QRFPR: variants seen among roughly 807,000 people sequenced by gnomAD.
QRFPR encodes the protein pyroglutamylated RF-amide peptide receptor.
A neutral mutation model predicts 31.3 loss-of-function variants in QRFPR; 37 were observed. The ratio of observed to expected loss-of-function variants is 1.18; its 90% confidence interval spans 0.91 to 1.56. The LOEUF is 1.56. Among genes scored for constraint, QRFPR ranks in the 40% most tolerant of loss-of-function variants. The pLI is 0.00. For synonymous variants in QRFPR, 197 were observed against 192.0 expected (o/e 1.03, Z -0.22); for missense variants, 542 against 532.5 (o/e 1.02, Z -0.18).
chr4:121,378,607 T>G lies in QRFPR; in HGVS notation c.340+1701A>C, dbSNP rs771018276. ...TTTTTGTTGTTGTTTGTATTTTTAG[T>G]AGAGACGGGGTTTCACCGTGTTAGC... On this transcript the variant is annotated intron_variant, in intron 1 of 5. Transcript: ENST00000394427. Among the ~76,000 whole-genome samples the G allele has an allele frequency of 2.0e-5, 3 of 152,110 alleles. No homozygotes were observed. In the South Asian group the frequency reaches 6.2e-4, roughly 32 times the overall value.
At chr4:121,379,642 G>T (rs1248312796) in intron 1 of QRFPR, among the ~76,000 whole-genome samples, 4 of 152,172 alleles carry the variant, frequency 2.6e-5, no homozygotes, top group Admixed American at 2.6e-4. Context: ...TATACGGAAG[G>T]AGGAGAATGT....
Position 121,332,954 on chromosome 4 carries a change from G to A in QRFPR, c.664C>T (p.Leu222Phe). 1 of 1,614,000 alleles carries A rather than the reference G, an allele frequency of 6.2e-7. No homozygotes were observed. Among genetic ancestry groups the A allele is most frequent in the Admixed American group, 1.7e-5 (1 of 60,020 alleles). The change falls in exon 4 of 6, where the codon CTC (leucine) becomes TTC (phenylalanine). Residue 222 changes from leucine to phenylalanine, a missense_variant. Transcript: ENST00000394427. ...ATCACCATAAGAGGCAGGAGGAAGA[G>A]GATGACAAGGATGAAGGTGGTGTAG... ...KIYTTFILVI[L>F]FLLPLMVMLI...
At chr4:121,344,498 G>A (rs1725607446) in intron 1 of QRFPR, among the ~76,000 whole-genome samples, 1 of 152,074 alleles carries the variant, frequency 6.6e-6, no homozygotes, top group Non-Finnish European at 1.5e-5. Flanking sequence ...AGAAATTACT[G>A]AGAGTGTTTC....
At chr4:121,342,846 C>T (rs1560736061) in intron 1 of QRFPR, among the ~76,000 whole-genome samples, 1 of 152,232 alleles carries the variant, frequency 6.6e-6, no homozygotes, top group African/African-American at 2.4e-5. Flanking sequence ...TAGAGAGGCC[C>T]TAATTGGAAA....
chr4:121,341,700 G>T lies in QRFPR; in HGVS notation c.341-1090C>A, dbSNP rs190505287. ...TATAAGAAGCATAAATGAATTTCAT[G>T]TGTAGACTTCGGTCTCATTGCCAAG... On this transcript the variant is annotated intron_variant, in intron 1 of 5. Coordinates refer to ENST00000394427, the MANE Select transcript of QRFPR (RefSeq NM_198179.3). Among the ~76,000 whole-genome samples, 9 of 152,296 alleles carry T rather than the reference G, an allele frequency of 5.9e-5. No individual in the cohort carries two copies. The East Asian group carries it at 1.7e-3, about 29-fold the overall frequency.
intron 2 of QRFPR, 45 bp from the exon 3 acceptor site, chr4:121,336,913 A>C (rs746033000): frequency 1.3e-6 from 2 of 1,501,828 alleles, no homozygotes; most frequent in Non-Finnish European, 1.9e-6. Flanking sequence ...AGTTGAGTAA[A>C]ACACATCCAT....
intron 1 of QRFPR, among the ~76,000 whole-genome samples, chr4:121,367,908 A>G (rs1726158078): frequency 6.8e-6 from 1 of 147,932 alleles, no homozygotes; most frequent in African/African-American, 2.5e-5. Flanking sequence ...GAAAGTAGTA[A>G]GGATTTTTAT....
At chr4:121,331,459 C>T (rs1361593677) in intron 4 of QRFPR, among the ~76,000 whole-genome samples, 2 of 151,410 alleles carry the variant, frequency 1.3e-5, no homozygotes, top group Non-Finnish European at 2.9e-5. Flanking sequence ...GCTGGGATTC[C>T]AGGTGTGAGC....
At chr4:121,370,089 C>A (rs964654718) in intron 1 of QRFPR, 2 of 771,474 alleles carry the variant, frequency 2.6e-6, no homozygotes, top group Non-Finnish European at 4.8e-6. Flanking sequence ...TGTCAATGGC[C>A]GATGACAGGG....
intron 1 of QRFPR, among the ~76,000 whole-genome samples, chr4:121,345,115 A>G (rs1725619327): frequency 6.6e-6 from 1 of 152,208 alleles, no homozygotes; most frequent in Non-Finnish European, 1.5e-5. Context: ...TTTTTAGAAT[A>G]TTAACTCTTC....
In QRFPR at chr4:121,329,660, A is replaced by G; in HGVS notation, c.950T>C (p.Val317Ala). Residue 317 changes from valine to alanine, a missense_variant, in exon 6 of 6, where the codon GTG becomes GCG. Transcript: ENST00000394427. Reference protein sequence around the residue: ...DVTIKMIFAIVQIIGFSNSIC... With the variant: ...DVTIKMIFAIAQIIGFSNSIC... ...GGAGTTGGAAAATCCAATAATTTGCACGATAGCAAAAATCATCTTGATTGT... is the reference window on the plus strand; with the variant it reads ...GGAGTTGGAAAATCCAATAATTTGCGCGATAGCAAAAATCATCTTGATTGT... The G allele has an allele frequency of 6.3e-7, 1 of 1,581,280 alleles. No homozygotes were observed. Among genetic ancestry groups the G allele is most frequent in the Non-Finnish European group, 8.6e-7 (1 of 1,164,414 alleles).
rs1260326532 is a variant in QRFPR, at chr4:121,330,423, C to T, written c.895+3G>A. ...CTATCAAATGAGAATGACAAGCACT[C>T]ACTGTATTCAATCATCATATGGACA... On this transcript the variant is annotated splice_donor_region_variant and intron_variant, in intron 5 of 5. Coordinates refer to ENST00000394427, the MANE Select transcript of QRFPR (RefSeq NM_198179.3). The T allele has an allele frequency of 3.2e-6, 5 of 1,587,296 alleles. No individual in the cohort carries two copies. The highest frequency in any genetic ancestry group is 1.1e-5 in the South Asian group (1 of 90,244).
chr4:121,365,628 T>TAA lies in QRFPR; in HGVS notation c.340+14679_340+14680insTT, dbSNP rs1359408993. ...ATATATATATTATATATATTATATA[T>TAA]TATATATATATTTTATATATTATAT... On this transcript the variant is annotated intron_variant, in intron 1 of 5. Coordinates refer to ENST00000394427, the MANE Select transcript of QRFPR (RefSeq NM_198179.3). Among the ~76,000 whole-genome samples the TAA allele has an allele frequency of 9.5e-4, 24 of 25,262 alleles. 6 individuals carry two copies. The highest frequency in any genetic ancestry group is 1.3e-3 in the African/African-American group (6 of 4,718). The allele number at this position is 25,262 out of a possible 152,430, so 16.6% of individuals were successfully genotyped here. A position where few individuals can be genotyped will look rare whatever the true frequency, so the allele number is the denominator to read the frequency against.
Position 121,336,831 on chromosome 4 carries a change from G to T in QRFPR, c.537C>A (p.Pro179=). The T allele has an allele frequency of 6.2e-7, 1 of 1,613,948 alleles. No homozygotes were observed. The highest frequency in any genetic ancestry group is 8.5e-7 in the Non-Finnish European group (1 of 1,179,828). Residue 179 remains proline, a synonymous_variant, in exon 3 of 6, where the codon CCC becomes CCA. Transcript: ENST00000394427. ...VWLVAVIVGS[P]MWHVQQLEIK... is the part of the protein sequence containing the mutation. ...CCTCAAGTTGTTGCACGTGCCACAT[G>T]GGTGATCCTACGATGACTGCCACCA...
intron 1 of QRFPR, among the ~76,000 whole-genome samples, chr4:121,371,077 A>G (rs1032722840): frequency 6.6e-6 from 1 of 152,146 alleles, no homozygotes; most frequent in African/African-American, 2.4e-5. Context: ...TGATTCCACA[A>G]TCCATGTTTG....
chr4:121,359,647 A>G (rs6845337), intron 1 of QRFPR, among the ~76,000 whole-genome samples: 2,875 of 48,082 alleles, frequency 0.06, 44 homozygotes, highest in South Asian at 0.13. Context: ...GTGTGTGTGT[A>G]TATATATGTG....
intron 1 of QRFPR, among the ~76,000 whole-genome samples, chr4:121,379,816 G>T (rs1333316744): frequency 6.6e-6 from 1 of 152,200 alleles, no homozygotes; most frequent in Non-Finnish European, 1.5e-5. Context: ...AAGCAACTGG[G>T]AAGTGAGGCT....
chr4:121,374,947 A>G (rs1726323173), intron 1 of QRFPR, among the ~76,000 whole-genome samples: 1 of 152,144 alleles, frequency 6.6e-6, no homozygotes, highest in South Asian at 2.1e-4. Flanking sequence ...GGAGTGCTGC[A>G]GAGCTGTGTG....
chr4:121,363,498 T>A (rs566174639), intron 1 of QRFPR, among the ~76,000 whole-genome samples: 4 of 150,170 alleles, frequency 2.7e-5, no homozygotes, highest in Middle Eastern at 3.5e-3. Context: ...ATTCTAATTA[T>A]TTTAGGTTCC....
Sources: gnomAD v4.1 joint callset for allele counts (sites outside exome capture counted in the v4.1 genomes callset) on GRCh38, gnomAD v4.1.1 for gene constraint, MANE v1.5 for transcripts, NCBI Gene and HGNC (gene_info 2026-07-23, HGNC 2026-07-21) for gene names.